The following LRRC7 variants were observed in gnomAD, a reference collection of about 807,000 sequenced individuals.
LRRC7 encodes the protein leucine rich repeat containing 7, also known as leucine-rich repeat-containing protein 7.
In LRRC7, 23 loss-of-function variants were observed where a neutral mutation model predicts 175.7. The observed-to-expected ratio is 0.13, with a 90% CI of 0.09 to 0.19. The LOEUF (loss-of-function observed/expected upper bound fraction) is 0.19, where lower values mean the gene tolerates loss of function less well. LRRC7 is among the 10% of genes least tolerant of loss of function. The pLI, the probability that LRRC7 is intolerant of heterozygous loss-of-function variation, is 1.00. For missense variants in LRRC7, 1,354 were observed against 1,904.7 expected, an observed-to-expected ratio of 0.71 and a Z score of 5.38; for synonymous variants, 685 against 680.9, an observed-to-expected ratio of 1.01 and a Z score of -0.09.
chr1:69,711,655 GC>G (rs1252850634), intron 2 of LRRC7, among the ~76,000 whole-genome samples: 2 of 152,114 alleles, frequency 1.3e-5, no homozygotes, highest in African/African-American at 4.8e-5. Context: ...GTAGTGCTTG[GC>G]ATTCAAATCT....
In LRRC7 at chr1:69,568,539, G is replaced by A; in HGVS notation, c.-101G>A. 8.6e-7 allele frequency: 1 copy of A among 1,158,422 alleles called. No individual in the cohort carries two copies. Among genetic ancestry groups the A allele is most frequent in the Non-Finnish European group, 1.2e-6 (1 of 861,702 alleles). 71.8% of individuals were successfully genotyped at this position (1,158,422 alleles called of 1,614,324 possible). On this transcript the variant is annotated 5_prime_UTR_variant, in exon 1 of 27. Transcript: ENST00000651989. ...CTCCTCTTCTCCTCCGAAGACCCTG[G>A]CGCCCACTCCACTGCGGACCCCTGA...
intron 11 of LRRC7, among the ~76,000 whole-genome samples, chr1:70,009,078 C>G (rs775461023): frequency 6.6e-6 from 1 of 151,814 alleles, no homozygotes; most frequent in Non-Finnish European, 1.5e-5. Flanking sequence ...CTTACCAAGA[C>G]CAAGACTAAC....
rs1361287987 is a variant in LRRC7, at chr1:70,123,425, T to C, written c.*1538T>C. 6.6e-6 allele frequency: 1 copy of C among 152,176 alleles called. No individual in the cohort carries two copies. Among genetic ancestry groups the C allele is most frequent in the Admixed American group, 6.5e-5 (1 of 15,286 alleles). The allele number at this position is 152,176 out of a possible 1,614,324, so 9.4% of individuals were successfully genotyped here. ...AATAATATTTGTAAGTTAACTGTTT[T>C]ATGGGGACATTGAAAATATTGTATT... On this transcript the variant is annotated 3_prime_UTR_variant, in exon 27 of 27. Transcript: ENST00000651989.
chr1:70,015,055 T>G (rs1656846044), intron 13 of LRRC7, among the ~76,000 whole-genome samples: 1 of 152,096 alleles, frequency 6.6e-6, no homozygotes, highest in Non-Finnish European at 1.5e-5. Flanking sequence ...AATAAGATCT[T>G]ACTTCACAAT....
intron 2 of LRRC7, among the ~76,000 whole-genome samples, chr1:69,691,375 G>A (rs1053645675): frequency 3.9e-5 from 6 of 152,062 alleles, no homozygotes; most frequent in African/African-American, 1.4e-4. Context: ...TCCCCAGTGA[G>A]TTGTAAATTG....
chr1:69,762,932 T>C (rs1009361395), intron 3 of LRRC7, among the ~76,000 whole-genome samples: 3 of 152,022 alleles, frequency 2.0e-5, no homozygotes, highest in African/African-American at 7.2e-5. Context: ...TTCTGTGAGT[T>C]TCAAGGTTGA....
chr1:70,056,376 C>T (rs1054461682), intron 23 of LRRC7, among the ~76,000 whole-genome samples: 3 of 152,114 alleles, frequency 2.0e-5, no homozygotes, highest in Admixed American at 6.5e-5. Context: ...TCAAGGGAAA[C>T]GTTGAACTTC....
At chr1:70,030,952 T>G (rs960416306) in intron 18 of LRRC7, among the ~76,000 whole-genome samples, 20 of 152,170 alleles carry the variant, frequency 1.3e-4, no homozygotes, top group African/African-American at 4.3e-4. Flanking sequence ...CCTTGTGCAG[T>G]TTGCATTTGC....
At position 69,652,055 on chromosome 1, in the gene LRRC7, C is replaced by A. The variant is rs562686305; in HGVS notation, c.3-26326C>A. ...TCAGCTCCTGGAATGGCTACCCAAG[C>A]AACTGGTAATAGTCTTGCCTTACTT... On this transcript the variant is annotated intron_variant, in intron 1 of 26. Coordinates refer to ENST00000651989, the MANE Select transcript of LRRC7 (RefSeq NM_001370785.2). Among the ~76,000 whole-genome samples the A allele has an allele frequency of 1.1e-4, 17 of 152,236 alleles. 1 individual carries two copies. The highest frequency in any genetic ancestry group is 1.0e-3 in the Admixed American group (16 of 15,292).
intron 7 of LRRC7, among the ~76,000 whole-genome samples, chr1:69,900,578 C>A (rs1183874285): frequency 6.6e-6 from 1 of 152,078 alleles, no homozygotes; most frequent in Non-Finnish European, 1.5e-5. Context: ...CAATATTCTT[C>A]TAAGGTGCCA....
chr1:69,763,201 T>C (rs72675051), intron 3 of LRRC7, among the ~76,000 whole-genome samples: 209 of 152,132 alleles, frequency 1.4e-3, no homozygotes, highest in Non-Finnish European at 2.2e-3. Flanking sequence ...CTCTCGTAAG[T>C]GGTAGGTCCA....
intron 1 of LRRC7, among the ~76,000 whole-genome samples, chr1:69,665,797 A>G (rs1340053724): frequency 6.6e-6 from 1 of 151,950 alleles, no homozygotes; most frequent in Non-Finnish European, 1.5e-5. Flanking sequence ...CTTCCTTTCT[A>G]ATTTGTATGC....
intron 1 of LRRC7, among the ~76,000 whole-genome samples, chr1:69,642,799 T>C (rs1343227848): frequency 7.1e-6 from 1 of 139,986 alleles, no homozygotes; most frequent in Non-Finnish European, 1.6e-5. Context: ...ACAGAACTAA[T>C]GACAGATGAT....
chr1:69,706,788 C>T lies in LRRC7; in HGVS notation c.100+28310C>T, dbSNP rs1664089008. On this transcript the variant is annotated intron_variant, in intron 2 of 26. Transcript: ENST00000651989. ...AGACTTTCCTGTATTGGAATTCTGT[C>T]CCCACCAGTATGGCCACAGCTTCCC... is the stretch of plus-strand genomic sequence containing the variant. Among the ~76,000 whole-genome samples, 5 of 152,092 alleles carry T rather than the reference C, an allele frequency of 3.3e-5. No homozygotes were observed. In the South Asian group the frequency reaches 1.0e-3, roughly 32 times the overall value.
intron 7 of LRRC7, among the ~76,000 whole-genome samples, chr1:69,854,862 C>G (rs377225861): frequency 6.6e-6 from 1 of 152,056 alleles, no homozygotes. Context: ...CTTAACTTAG[C>G]CTTTGGTTCC....
In LRRC7 at chr1:70,142,914, T is replaced by C. The variant is rs546152491; in HGVS notation, c.*21027T>C. The stretch of plus-strand genomic sequence containing the variant: ...TTATGTTTTGGATGTTTTCTAAGTA[T>C]CTATGAAAATTATTTTTTCCTAAAC... On this transcript the variant is annotated 3_prime_UTR_variant, in exon 27 of 27. Transcript: ENST00000651989. The C allele has an allele frequency of 6.6e-6, 1 of 152,114 alleles. No homozygotes were observed. Among genetic ancestry groups the C allele is most frequent in the Admixed American group, 6.6e-5 (1 of 15,256 alleles). The allele number at this position is 152,114 out of a possible 1,614,324, so 9.4% of individuals were successfully genotyped here. A position where few individuals can be genotyped will look rare whatever the true frequency, so the allele number is the denominator to read the frequency against.
At chr1:69,652,984 CA>C (rs1276599878) in intron 1 of LRRC7, among the ~76,000 whole-genome samples, 1 of 151,858 alleles carries the variant, frequency 6.6e-6, no homozygotes, top group Non-Finnish European at 1.5e-5. Context: ...GATGGGAAAC[CA>C]TAAAATTCCT....
intron 4 of LRRC7, among the ~76,000 whole-genome samples, chr1:69,825,057 G>A (rs1395886742): frequency 1.3e-5 from 2 of 152,028 alleles, no homozygotes; most frequent in African/African-American, 4.8e-5. Context: ...GTGTTTTTCT[G>A]TCACACAGCC....
At chr1:69,998,295 C>T (rs1444747586) in intron 11 of LRRC7, among the ~76,000 whole-genome samples, 1 of 152,166 alleles carries the variant, frequency 6.6e-6, no homozygotes, top group Admixed American at 6.5e-5. Context: ...CCATCACTCC[C>T]TCATCACCTG....
Sources: allele counts gnomAD v4.1 joint callset (sites outside exome capture counted in the v4.1 genomes callset), GRCh38; gene constraint gnomAD v4.1.1; transcripts MANE v1.5; gene names NCBI Gene and HGNC (gene_info 2026-07-23, HGNC 2026-07-21).